The following CHST15 variants were observed in gnomAD, a reference collection of about 807,000 sequenced individuals.
CHST15 encodes B cell RAG associated protein (GALNAC4S-6ST).
A neutral mutation model predicts 53.6 loss-of-function variants in CHST15; 30 were observed. The observed-to-expected ratio is 0.56, with a 90% CI of 0.42 to 0.76. The LOEUF (loss-of-function observed/expected upper bound fraction) is 0.76. Among genes scored for constraint, CHST15 ranks in the 30% least tolerant of loss-of-function variants. The pLI, the probability that CHST15 is intolerant of heterozygous loss-of-function variation, is 0.00. For missense variants in CHST15, 627 were observed against 740.5 expected (o/e 0.85, Z 1.78); for synonymous variants, 296 against 289.8 (o/e 1.02, Z -0.22).
chr10:124,083,756 A>G (rs1253598986), intron 1 of CHST15, among the ~76,000 whole-genome samples: 1 of 152,232 alleles, frequency 6.6e-6, no homozygotes, highest in Non-Finnish European at 1.5e-5. Flanking sequence ...TCCTAAAAGC[A>G]GCTATTTCCT....
intron 1 of CHST15, among the ~76,000 whole-genome samples, chr10:124,046,941 T>C (rs1007528168): frequency 2.6e-5 from 4 of 152,176 alleles, no homozygotes; most frequent in African/African-American, 9.6e-5. Flanking sequence ...CCACCAAACA[T>C]GGCCCCAATC....
rs116105956 is a variant in CHST15, at chr10:124,017,900, C to T, written c.1347+3356G>A. Among the ~76,000 whole-genome samples, 1,206 of 152,342 alleles carry T rather than the reference C, an allele frequency of 7.9e-3. 15 individuals carry two copies. The highest frequency in any genetic ancestry group is 0.027 in the African/African-American group (1,129 of 41,582). The stretch of plus-strand genomic sequence containing the variant: ...CTCTGACCAGCACACACAGCCTCCT[C>T]GGCAGGCTCCACCTGGTGGCTCTTG... On this transcript the variant is annotated intron_variant, in intron 6 of 7. Transcript: ENST00000435907.
In CHST15 at chr10:124,008,388, C is replaced by CA; in HGVS notation, c.*1760dup. On this transcript the variant is annotated 3_prime_UTR_variant, in exon 8 of 8. Coordinates refer to ENST00000435907, the MANE Select transcript of CHST15 (RefSeq NM_001270764.2). ...GCACTGTACTGCAAATAAATATACA[C>CA]ACACACTGAAGTGATCTCTCCCTAA... 1 of 1,005,538 alleles carries CA rather than the reference C, an allele frequency of 9.9e-7. No homozygotes were observed. The highest frequency in any genetic ancestry group is 1.2e-6 in the Non-Finnish European group (1 of 843,540). 62.3% of individuals were successfully genotyped at this position (1,005,538 alleles called of 1,614,324 possible).
intron 1 of CHST15, among the ~76,000 whole-genome samples, chr10:124,066,186 C>G (rs911718067): frequency 6.6e-6 from 1 of 152,068 alleles, no homozygotes; most frequent in African/African-American, 2.4e-5. Context: ...TATGGGAGGA[C>G]TAGATTTGGG....
In CHST15 at chr10:124,010,308, C is replaced by A; in HGVS notation, c.1527G>T (p.Met509Ile). ...GTGCATTGGATGCGGGGCTCTTGGT[C>A]ATCAAAGCCTCCTGCTTCTCACTTA... ...GPLSEKQEAL[M>I]TKSPASNARR... Residue 509 changes from methionine (M) to isoleucine (I), a missense_variant, in exon 8 of 8, where the codon ATG (methionine) becomes ATT (isoleucine). By Grantham distance (10) the Met-to-Ile change is conservative. Around this residue, in one of 3 missense-constraint regions of CHST15, gnomAD observed 279 missense variants for 371.6 expected, o/e 0.75. Transcript: ENST00000435907. The A allele has an allele frequency of 1.2e-6, 2 of 1,608,890 alleles. No individual in the cohort carries two copies. The highest frequency in any genetic ancestry group is 1.3e-5 in the African/African-American group (1 of 74,838).
rs116397437 is a variant in CHST15 at position 124,020,603 on chromosome 10, T to C, written c.1347+653A>G. 2,545 of 987,112 alleles carry C rather than the reference T, an allele frequency of 2.6e-3. 55 individuals are homozygous for C. The African/African-American group carries it at 0.042, about 16-fold the overall frequency. The allele number at this position is 987,112 out of a possible 1,614,324, so 61.1% of individuals were successfully genotyped here. ...GAGACGCTGAGCAGAGCAAGGCTTG[T>C]AAAGCCACTCTGGAACACGCAGCGG... is the stretch of plus-strand genomic sequence containing the variant. On this transcript the variant is annotated intron_variant, in intron 6 of 7. Transcript: ENST00000435907.
chr10:124,076,835 G>C (rs976415248), intron 1 of CHST15, among the ~76,000 whole-genome samples: 1 of 151,268 alleles, frequency 6.6e-6, no homozygotes. Flanking sequence ...TCAGCCTCCC[G>C]AGGAGCTGGG....
At chr10:124,063,312 G>A (rs1190697249) in intron 1 of CHST15, among the ~76,000 whole-genome samples, 8 of 152,148 alleles carry the variant, frequency 5.3e-5, no homozygotes, top group African/African-American at 1.9e-4. Flanking sequence ...GAACTCAGGA[G>A]GTGGAGGTTG....
rs370178546 is a variant in CHST15, at chr10:124,012,044, G to C, written c.1495+289C>G. Among the ~76,000 whole-genome samples the C allele has an allele frequency of 1.1e-3, 161 of 152,274 alleles. 5 individuals carry two copies. The South Asian group carries it at 0.032, about 30-fold the overall frequency. ...CCCACGGCATCCTACCTGTCATTCA[G>C]TTAGGTGAGCTATGGCTTCCTCCTC... On this transcript the variant is annotated intron_variant, in intron 7 of 7. Transcript: ENST00000435907.
chr10:124,043,582 C>T (rs1251241433), intron 3 of CHST15, among the ~76,000 whole-genome samples: 2 of 152,206 alleles, frequency 1.3e-5, no homozygotes, highest in African/African-American at 4.8e-5. Context: ...CACGTATCAC[C>T]CCTCAGCTCC....
At chr10:124,071,094 A>T (rs1264397398) in intron 1 of CHST15, among the ~76,000 whole-genome samples, 1 of 152,166 alleles carries the variant, frequency 6.6e-6, no homozygotes, top group East Asian at 1.9e-4. Context: ...TTCTAACTTA[A>T]AGGCAGAGTT....
chr10:124,042,145 A>G (rs975967750), intron 4 of CHST15, among the ~76,000 whole-genome samples, 156 bp downstream of exon 4: 4 of 152,258 alleles, frequency 2.6e-5, no homozygotes, highest in African/African-American at 9.6e-5. Context: ...ATGTAGTGGT[A>G]AGAGTGACAG....
At position 124,019,866 on chromosome 10, in the gene CHST15, C is replaced by T; in HGVS notation, c.1347+1390G>A. 1 of 986,028 alleles carries T rather than the reference C, an allele frequency of 1.0e-6. No homozygotes were observed. The highest frequency in any genetic ancestry group is 1.2e-6 in the Non-Finnish European group (1 of 830,372). 61.1% of individuals were successfully genotyped at this position (986,028 alleles called of 1,614,324 possible). On this transcript the variant is annotated intron_variant, in intron 6 of 7. Coordinates refer to ENST00000435907, the MANE Select transcript of CHST15 (RefSeq NM_001270764.2). The surrounding 1 kb of genome is among the most constrained non-coding windows in gnomAD (Gnocchi z 4.6). ...CCCCCTGCCTCAGTGCCCCCCATCTCCCACACCAGGCGGCTGGCTGCGTTC... is the reference window on the plus strand; with the variant it reads ...CCCCCTGCCTCAGTGCCCCCCATCTTCCACACCAGGCGGCTGGCTGCGTTC...
At chr10:124,060,322 C>G (rs1336200782) in intron 1 of CHST15, among the ~76,000 whole-genome samples, 2 of 148,284 alleles carry the variant, frequency 1.3e-5, no homozygotes, top group Non-Finnish European at 3.0e-5. Context: ...CCCCCAGAAA[C>G]GTGTTGTGCC....
intron 1 of CHST15, among the ~76,000 whole-genome samples, chr10:124,055,125 G>A (rs78047403): frequency 0.011 from 1,682 of 152,250 alleles, 31 homozygotes; most frequent in African/African-American, 0.038. Flanking sequence ...CCCTAGAAAT[G>A]TATATTACTC....
chr10:124,081,378 A>ATGCACACACACACGCG (rs569036425), intron 1 of CHST15, among the ~76,000 whole-genome samples: 2 of 72,730 alleles, frequency 2.7e-5, no homozygotes, highest in African/African-American at 6.1e-5. Context: ...ACATGCACGC[A>ATGCACACACACACGCG]TGCACACACA....
chr10:124,045,157 AAAGAT>A (rs905251982), intron 2 of CHST15, among the ~76,000 whole-genome samples: 1 of 148,500 alleles, frequency 6.7e-6, no homozygotes, highest in Non-Finnish European at 1.5e-5. Flanking sequence ...TGGAGAGAAT[AAAGAT>A]AAAAGTTTAA....
chr10:124,020,568 C>T lies in CHST15; in HGVS notation c.1347+688G>A, dbSNP rs200740805. 3 of 985,542 alleles carry T rather than the reference C, an allele frequency of 3.0e-6. No homozygotes were observed. In the East Asian group the frequency reaches 3.4e-4, roughly 112 times the overall value. 61.0% of individuals were successfully genotyped at this position (985,542 alleles called of 1,614,324 possible). On this transcript the variant is annotated intron_variant, in intron 6 of 7. Transcript: ENST00000435907. ...GACTCCACAGCAGGCCTGTTGGTGCCTTGCTATGCGAGACGCTGAGCAGAG... is the reference window on the plus strand; with the variant it reads ...GACTCCACAGCAGGCCTGTTGGTGCTTTGCTATGCGAGACGCTGAGCAGAG...
chr10:124,029,958 C>T (rs1040398878), intron 5 of CHST15, among the ~76,000 whole-genome samples: 7 of 152,248 alleles, frequency 4.6e-5, no homozygotes, highest in South Asian at 2.1e-4. Context: ...ACAGACACAA[C>T]GGAGCTCTTT....
Sources: gnomAD v4.1 joint callset for allele counts (sites outside exome capture counted in the v4.1 genomes callset) on GRCh38, gnomAD v4.1.1 for gene constraint, gnomAD v4.1.1 regional missense constraint, Gnocchi (gnomAD v3.1) non-coding constraint, MANE v1.5 for transcripts, NCBI Gene and HGNC (gene_info 2026-07-23, HGNC 2026-07-21) for gene names.